CCDC148: variants seen among roughly 807,000 people sequenced by gnomAD.
CCDC148 encodes coiled-coil domain containing 148, also known as coiled-coil domain-containing protein 148.
CCDC148 carries 89 observed loss-of-function variants against 85.7 expected under a neutral mutation model. That is an observed-to-expected ratio of 1.04 (90% CI 0.87 to 1.24). The LOEUF (loss-of-function observed/expected upper bound fraction) is 1.24, where lower values mean the gene tolerates loss of function less well. Ranked by LOEUF, CCDC148 falls within the 50% of genes most tolerant of loss-of-function variation. The pLI, the probability that CCDC148 is intolerant of heterozygous loss-of-function variation, is 0.00. For synonymous variants in CCDC148, 230 were observed against 213.9 expected (o/e 1.08, Z -0.66); for missense variants, 692 against 671.7 (o/e 1.03, Z -0.33).
At chr2:158,353,589 G>A (rs1163813186) in intron 2 of CCDC148, among the ~76,000 whole-genome samples, 2 of 151,914 alleles carry the variant, frequency 1.3e-5, no homozygotes, top group African/African-American at 4.8e-5. Flanking sequence ...AGTCCTGAGT[G>A]ACCTACAAAG....
intron 11 of CCDC148, among the ~76,000 whole-genome samples, chr2:158,215,111 G>T (rs1686779601): frequency 6.6e-6 from 1 of 152,022 alleles, no homozygotes; most frequent in Admixed American, 6.5e-5. Flanking sequence ...AGTCCATATG[G>T]ATATAAAAGT....
chr2:158,361,651 C>T (rs1196425378), intron 1 of CCDC148, among the ~76,000 whole-genome samples: 3 of 152,122 alleles, frequency 2.0e-5, no homozygotes, highest in African/African-American at 7.2e-5. Context: ...ACCAGGCCTG[C>T]CTTACAAGAG....
At chr2:158,271,754 T>A (rs1354340851) in intron 9 of CCDC148, among the ~76,000 whole-genome samples, 1 of 152,166 alleles carries the variant, frequency 6.6e-6, no homozygotes, top group Non-Finnish European at 1.5e-5. Flanking sequence ...AGGCATCTAC[T>A]GGGGGTCTTG....
chr2:158,447,451 T>C (rs773823821), intron 1 of CCDC148: 7 of 152,178 alleles, frequency 4.6e-5, no homozygotes, highest in Non-Finnish European at 8.8e-5. Flanking sequence ...GCATGCAACA[T>C]TGTGTCTGGC....
chr2:158,360,784 A>G (rs1033216055), intron 1 of CCDC148, among the ~76,000 whole-genome samples: 1 of 152,048 alleles, frequency 6.6e-6, no homozygotes, highest in African/African-American at 2.4e-5. Flanking sequence ...AAGGATCATG[A>G]CACCTCGTCA....
chr2:158,409,666 A>C (rs1686175574), intron 1 of CCDC148, among the ~76,000 whole-genome samples: 1 of 152,178 alleles, frequency 6.6e-6, no homozygotes, highest in Non-Finnish European at 1.5e-5. Flanking sequence ...TTCTGAGTTA[A>C]TGCTGAAATG....
intron 1 of CCDC148, among the ~76,000 whole-genome samples, chr2:158,420,744 C>T (rs181121699): frequency 3.3e-4 from 50 of 152,146 alleles, no homozygotes; most frequent in African/African-American, 8.7e-4. Context: ...ACAATATTAA[C>T]CCTAAATGTA....
At chr2:158,429,360 AATAGATAGATAGATAG>A (rs10664791) in intron 1 of CCDC148, among the ~76,000 whole-genome samples, 30 of 149,732 alleles carry the variant, frequency 2.0e-4, no homozygotes, top group African/African-American at 5.2e-4. Context: ...AAAGAGCATG[AATAGATAGATAGATAG>A]ATAGATAGAT....
chr2:158,351,824 C>A (rs1321499029), intron 2 of CCDC148, among the ~76,000 whole-genome samples: 2 of 144,560 alleles, frequency 1.4e-5, no homozygotes, highest in Non-Finnish European at 3.0e-5. Flanking sequence ...TTAAATGTCC[C>A]TGTCTGACAG....
Position 158,250,752 on chromosome 2 carries a change from A to G in CCDC148, c.1251+20T>C. On this transcript the variant is annotated intron_variant, in intron 10 of 13. Coordinates refer to ENST00000283233, the MANE Select transcript of CCDC148 (RefSeq NM_138803.4). ...ATTAAGCATTCATTCACACATTCGT[A>G]TTGACAATAGATTTTTTACTTTTTT... 2 of 1,526,616 alleles carry G rather than the reference A, an allele frequency of 1.3e-6. No homozygotes were observed. Among genetic ancestry groups the G allele is most frequent in the South Asian group, 1.2e-5 (1 of 80,828 alleles). The allele number at this position is 1,526,616 out of a possible 1,614,324, so 94.6% of individuals were successfully genotyped here.
chr2:158,238,426 T>C (rs1333788879), intron 10 of CCDC148, among the ~76,000 whole-genome samples: 3 of 152,080 alleles, frequency 2.0e-5, no homozygotes, highest in Non-Finnish European at 4.4e-5. Flanking sequence ...TCTTGTGAAA[T>C]ATGATGTCAG....
chr2:158,280,506 A>G (rs1208444125), intron 9 of CCDC148, among the ~76,000 whole-genome samples: 3 of 152,210 alleles, frequency 2.0e-5, no homozygotes, highest in Non-Finnish European at 2.9e-5. Context: ...ACTTTAAACC[A>G]ACAAAGATCA....
chr2:158,387,661 T>C (rs1037292031), intron 1 of CCDC148, among the ~76,000 whole-genome samples: 2 of 151,266 alleles, frequency 1.3e-5, no homozygotes, highest in South Asian at 2.1e-4. Flanking sequence ...CCCCACCCCA[T>C]TGCGTGAGCC....
rs1688762206 is a variant in CCDC148, at chr2:158,250,832, CT to C, written c.1190del (p.Glu397GlyfsTer22). 6.2e-7 allele frequency: 1 copy of C among 1,604,912 alleles called. No homozygotes were observed. On this transcript the variant is annotated frameshift_variant, in exon 10 of 14. Coordinates refer to ENST00000283233, the MANE Select transcript of CCDC148 (RefSeq NM_138803.4). LOFTEE classifies it high-confidence loss of function. ...TCTTCTTCCACAGTTTCTCTTTCTC[CT>C]CTTCCTTTTCTCTTCTTCTGGCAGA... ...EISARRREKE[E>X]EKEKLWKKKE...
chr2:158,189,243 C>T (rs1685305562), intron 11 of CCDC148, among the ~76,000 whole-genome samples: 7 of 151,816 alleles, frequency 4.6e-5, no homozygotes, highest in Admixed American at 4.6e-4. Context: ...GACTCATGCC[C>T]TGGATTCCCA....
intron 7 of CCDC148, among the ~76,000 whole-genome samples, chr2:158,329,356 T>TC (rs1235090896): frequency 6.6e-6 from 1 of 152,230 alleles, no homozygotes. Flanking sequence ...AGGGCTCTGT[T>TC]CTGTTCCATT....
chr2:158,338,403 G>A (rs2105240312), intron 7 of CCDC148, among the ~76,000 whole-genome samples: 1 of 152,172 alleles, frequency 6.6e-6, no homozygotes, highest in East Asian at 1.9e-4. Flanking sequence ...AATTACTGCA[G>A]AGCAGCTTCA....
intron 10 of CCDC148, among the ~76,000 whole-genome samples, chr2:158,232,396 AT>A (rs1264905962): frequency 6.6e-6 from 1 of 152,014 alleles, no homozygotes; most frequent in Non-Finnish European, 1.5e-5. Context: ...AATCTTTCAG[AT>A]TTTTTCCTAT....
At chr2:158,404,147 A>G (rs1161857108) in intron 1 of CCDC148, among the ~76,000 whole-genome samples, 1 of 152,184 alleles carries the variant, frequency 6.6e-6, no homozygotes, top group African/African-American at 2.4e-5. Context: ...AATAAAAGCC[A>G]TTATTATCAT....
Sources: allele counts gnomAD v4.1 joint callset (sites outside exome capture counted in the v4.1 genomes callset), GRCh38; gene constraint gnomAD v4.1.1; transcripts MANE v1.5; gene names NCBI Gene and HGNC (gene_info 2026-07-23, HGNC 2026-07-21).